Variants in FAM20C observed in about 807,000 individuals in gnomAD.
FAM20C encodes the protein extracellular serine/threonine protein kinase FAM20C.
In FAM20C, 40 loss-of-function variants were observed where a neutral mutation model predicts 51.5. That is an observed-to-expected ratio of 0.78 (90% CI 0.60 to 1.01). The LOEUF (loss-of-function observed/expected upper bound fraction) is 1.01. FAM20C is among the 50% of genes least tolerant of loss of function. The pLI, the probability that FAM20C is intolerant of heterozygous loss-of-function variation, is 0.00. For synonymous variants in FAM20C, 406 were observed against 380.6 expected (o/e 1.07, Z -0.78); for missense variants, 861 against 844.7 (o/e 1.02, Z -0.24).
chr7:255,153 G>A (rs140015145), intron 5 of FAM20C, among the ~76,000 whole-genome samples: 48,566 of 152,098 alleles, frequency 0.32, 9,178 homozygotes, highest in African/African-American at 0.53. Flanking sequence ...TGTTTAATCA[G>A]TTGGGGGCTG....
At position 246,537 on chromosome 7, in the gene FAM20C, G is replaced by GACAGGTGAGCC. The variant is rs1554254770; in HGVS notation, c.956+30_956+31insACAGGTGAGCC. Reference sequence around the variant, plus strand: ...GCCCTTCCTTCCTCCCTCCATCCGCGCTCCCGTGCGCTCAGACCCACCGGT... The same window carrying GACAGGTGAGCC: ...GCCCTTCCTTCCTCCCTCCATCCGCGACAGGTGAGCCCTCCCGTGCGCTCAGACCCACCGGT... On this transcript the variant is annotated intron_variant, in intron 4 of 9. Coordinates refer to ENST00000313766, the MANE Select transcript of FAM20C (RefSeq NM_020223.4). 1.2e-3 allele frequency: 1,811 copies of GACAGGTGAGCC among 1,457,950 alleles called. 14 individuals are homozygous for GACAGGTGAGCC. The highest frequency in any genetic ancestry group is 1.3e-3 in the Non-Finnish European group (1,452 of 1,088,858). 90.3% of individuals were successfully genotyped at this position (1,457,950 alleles called of 1,614,324 possible).
rs1024748850 is a variant in FAM20C, at chr7:246,643, C to T, written c.956+136C>T. ...ATCAGGCAGCGCCGGTGCCTGCTCT[C>T]CCCCCACCCCGAGTGCTGCCCTGAG... On this transcript the variant is annotated intron_variant, in intron 4 of 9. Transcript: ENST00000313766. The T allele has an allele frequency of 2.3e-5, 9 of 389,934 alleles. No homozygotes were observed. The African/African-American group carries it at 2.6e-4, about 11-fold the overall frequency. The allele number at this position is 389,934 out of a possible 1,614,324, so 24.2% of individuals were successfully genotyped here. A position where few individuals can be genotyped will look rare whatever the true frequency, so the allele number is the denominator to read the frequency against.
At chr7:206,160 C>T (rs1395392943) in intron 2 of FAM20C, among the ~76,000 whole-genome samples, 2 of 152,206 alleles carry the variant, frequency 1.3e-5, no homozygotes, top group South Asian at 2.1e-4. Flanking sequence ...GGCCGTCCCC[C>T]TGCTCCACAT....
rs1318146190 is a variant in FAM20C at position 192,668 on chromosome 7, C to A, written c.-532C>A. Among the ~76,000 whole-genome samples the A allele has an allele frequency of 8.9e-5, 13 of 145,416 alleles. No individual in the cohort carries two copies. The highest frequency in any genetic ancestry group is 2.0e-4 in the Admixed American group (3 of 14,840). On this transcript the variant is annotated 5_prime_UTR_variant, in exon 1 of 10. Transcript: ENST00000313766. Reference sequence around the variant, plus strand: ...CCGCGCCCACCCCTTCCGCCCTTCGCCCCCCCCTTCCCCCCAGCCCCGGTC... The same window carrying A: ...CCGCGCCCACCCCTTCCGCCCTTCGACCCCCCCTTCCCCCCAGCCCCGGTC...
intron 3 of FAM20C, among the ~76,000 whole-genome samples, chr7:219,793 A>G (rs1199276661): frequency 6.6e-6 from 1 of 152,208 alleles, no homozygotes; most frequent in African/African-American, 2.4e-5. Context: ...GCTCGGGGAA[A>G]CAAAATGGTT....
At chr7:218,421 C>T (rs1470556362) in intron 3 of FAM20C, among the ~76,000 whole-genome samples, 2 of 152,350 alleles carry the variant, frequency 1.3e-5, no homozygotes, top group African/African-American at 4.8e-5. Flanking sequence ...CACTGACCCT[C>T]GGGTGTGGCC....
At chr7:209,112 C>A in intron 3 of FAM20C, 136 bp downstream of exon 3, 2 of 840,356 alleles carry the variant, frequency 2.4e-6, no homozygotes, top group East Asian at 2.7e-5. Flanking sequence ...TCTCAACTCT[C>A]CCCGTCATGG....
intron 2 of FAM20C, among the ~76,000 whole-genome samples, chr7:206,825 C>G (rs1183198540): frequency 7.9e-6 from 1 of 126,438 alleles, no homozygotes; most frequent in African/African-American, 3.4e-5. Context: ...TCACTGTCCC[C>G]TCGGCCCCGC....
chr7:244,345 CG>C (rs2115140033), intron 3 of FAM20C, among the ~76,000 whole-genome samples: 1 of 152,294 alleles, frequency 6.6e-6, no homozygotes, highest in East Asian at 1.9e-4. Context: ...TTGAAAACAA[CG>C]AAGGCTTTTT....
At position 202,471 on chromosome 7, in the gene FAM20C, C is replaced by A. The variant is rs1205323433; in HGVS notation, c.785-6427C>A. Among the ~76,000 whole-genome samples the A allele has an allele frequency of 4.2e-3, 356 of 85,732 alleles. 1 individual carries two copies. The highest frequency in any genetic ancestry group is 0.021 in the Middle Eastern group (2 of 94). The allele number at this position is 85,732 out of a possible 152,430, so 56.2% of individuals were successfully genotyped here. ...TGGGGGGGCGCTATGGATATCTTCC[C>A]ATGTGCATAGAGAGAATGGGTGGCT... On this transcript the variant is annotated intron_variant, in intron 2 of 9. Coordinates refer to ENST00000313766, the MANE Select transcript of FAM20C (RefSeq NM_020223.4).
chr7:205,349 C>CACGACGTCAGCCTCCCGAGT, intron 2 of FAM20C, among the ~76,000 whole-genome samples: 1 of 150,874 alleles, frequency 6.6e-6, no homozygotes, highest in Non-Finnish European at 1.5e-5. Context: ...CACGCACCGC[C>CACGACGTCAGCCTCCCGAGT]ACGACGTCAG....
intron 3 of FAM20C, chr7:228,406 CTGCTGGGT>C (rs1176479451): frequency 2.2e-6 from 1 of 453,812 alleles, no homozygotes; most frequent in Non-Finnish European, 4.4e-6. Context: ...TCAGGCCCCT[CTGCTGGGT>C]TGAGGAGACC....
At position 195,540 on chromosome 7, in the gene FAM20C, G is replaced by A. The variant is rs375843569; in HGVS notation, c.606-14G>A. ...TCTTTCCATGCTGATGTTCGTCCTC[G>A]CTGCTCCCTGCAGGCCGCATGCGGG... On this transcript the variant is annotated splice_polypyrimidine_tract_variant and intron_variant, in intron 1 of 9. Transcript: ENST00000313766. The A allele has an allele frequency of 5.4e-4, 827 of 1,534,866 alleles. No individual in the cohort carries two copies. Among genetic ancestry groups the A allele is most frequent in the Non-Finnish European group, 6.8e-4 (777 of 1,135,424 alleles).
At chr7:219,554 G>A (rs981586057) in intron 3 of FAM20C, among the ~76,000 whole-genome samples, 2 of 152,044 alleles carry the variant, frequency 1.3e-5, no homozygotes, top group Non-Finnish European at 2.9e-5. Context: ...GAGGTGCCTC[G>A]GCTGTGGCTG....
intron 7 of FAM20C, 32 bp from the exon 8 acceptor site, chr7:256,973 C>T (rs757421711): frequency 1.4e-5 from 21 of 1,535,538 alleles, no homozygotes; most frequent in African/African-American, 2.7e-5. Context: ...CGGCTCCCCA[C>T]GAGCTGTGAC....
At chr7:212,440 G>T (rs1382033330) in intron 3 of FAM20C, among the ~76,000 whole-genome samples, 1 of 152,212 alleles carries the variant, frequency 6.6e-6, no homozygotes, top group African/African-American at 2.4e-5. Context: ...TCCAGCCTGA[G>T]GGACAGAACA....
intron 3 of FAM20C, among the ~76,000 whole-genome samples, chr7:213,627 C>T (rs1246065639): frequency 6.6e-6 from 1 of 152,068 alleles, no homozygotes; most frequent in Non-Finnish European, 1.5e-5. Context: ...TTGCTTTGAG[C>T]AACCGTGTAT....
chr7:246,349 C>T, intron 3 of FAM20C, 66 bp from the exon 4 acceptor site: 1 of 1,347,940 alleles, frequency 7.4e-7, no homozygotes, highest in Non-Finnish European at 1.0e-6. Context: ...GCACGTCCCG[C>T]CTGCCTCCGG....
At chr7:202,137 C>A (rs1158671236) in intron 2 of FAM20C, among the ~76,000 whole-genome samples, 1 of 152,194 alleles carries the variant, frequency 6.6e-6, no homozygotes, top group Non-Finnish European at 1.5e-5. Flanking sequence ...GGAGAGCGTT[C>A]CAGATGGGGA....
Sources: allele counts gnomAD v4.1 joint callset (sites outside exome capture counted in the v4.1 genomes callset), GRCh38; gene constraint gnomAD v4.1.1; transcripts MANE v1.5; gene names NCBI Gene and HGNC (gene_info 2026-07-23, HGNC 2026-07-21).